Variants in ABLIM2 observed in about 807,000 individuals in gnomAD.
ABLIM2 encodes actin-binding LIM protein 2.
A neutral mutation model predicts 97.7 loss-of-function variants in ABLIM2; 53 were observed. That is an observed-to-expected ratio of 0.54 (90% confidence interval 0.44 to 0.68). The LOEUF (loss-of-function observed/expected upper bound fraction) is 0.68, where lower values mean the gene tolerates loss of function less well. ABLIM2 is among the 30% of genes least tolerant of loss of function. The pLI is 0.00. For synonymous variants in ABLIM2, 361 were observed against 345.8 expected (o/e 1.04, Z -0.49); for missense variants, 835 against 867.2 (o/e 0.96, Z 0.47).
At chr4:8,091,305 TTA>T (rs555210900) in intron 3 of ABLIM2, among the ~76,000 whole-genome samples, 1,630 of 35,516 alleles carry the variant, frequency 0.046, 272 homozygotes, top group South Asian at 0.063. Context: ...ATATATTATA[TTA>T]TATATATATA....
chr4:8,028,427 T>C (rs1348312631), intron 11 of ABLIM2, among the ~76,000 whole-genome samples: 1 of 152,234 alleles, frequency 6.6e-6, no homozygotes, highest in Non-Finnish European at 1.5e-5. Context: ...ACTCACTCAC[T>C]CATTCATTCA....
At chr4:8,105,532 G>A (rs1195028560) in intron 2 of ABLIM2, among the ~76,000 whole-genome samples, 1 of 152,152 alleles carries the variant, frequency 6.6e-6, no homozygotes, top group African/African-American at 2.4e-5. Flanking sequence ...CTCAATTATC[G>A]GCTTGTGGCA....
chr4:8,110,921 C>A (rs560111929), intron 1 of ABLIM2, among the ~76,000 whole-genome samples: 2 of 152,200 alleles, frequency 1.3e-5, no homozygotes, highest in African/African-American at 2.4e-5. Flanking sequence ...AGTGGGTATG[C>A]GCTTGCCTCC....
In ABLIM2 at chr4:8,127,721, C is replaced by G. The variant is rs1848628695; in HGVS notation, c.11-21084G>C. The G allele has an allele frequency of 8.2e-7, 1 of 1,225,712 alleles. No individual in the cohort carries two copies. The highest frequency in any genetic ancestry group is 1.0e-6 in the Non-Finnish European group (1 of 953,172). The allele number at this position is 1,225,712 out of a possible 1,614,324, so 75.9% of individuals were successfully genotyped here. A position where few individuals can be genotyped will look rare whatever the true frequency, so the allele number is the denominator to read the frequency against. ...CCACAAGGTCACGTGGCAGCTGCCACCCTCTGCCCGGGGAGGGGCAGAGCC... is the reference window on the plus strand; with the variant it reads ...CCACAAGGTCACGTGGCAGCTGCCAGCCTCTGCCCGGGGAGGGGCAGAGCC... On this transcript the variant is annotated intron_variant, in intron 1 of 20. Transcript: ENST00000447017. The surrounding 1 kb of genome is among the most constrained non-coding windows in gnomAD (Gnocchi z 7.3).
At chr4:8,034,515 G>T (rs111161310) in intron 10 of ABLIM2, among the ~76,000 whole-genome samples, 1 of 79,126 alleles carries the variant, frequency 1.3e-5, no homozygotes. Flanking sequence ...GTAGGTGGGT[G>T]CAGGTGGGTG....
rs1849208905 is a variant in ABLIM2 at position 8,130,493 on chromosome 4, C to A, written c.11-23856G>T. 1.3e-5 allele frequency among the ~76,000 whole-genome samples: 2 copies of A among 152,148 alleles called. No individual in the cohort carries two copies. Among genetic ancestry groups the A allele is most frequent in the Admixed American group, 6.5e-5 (1 of 15,286 alleles). On this transcript the variant is annotated intron_variant, in intron 1 of 20. Coordinates refer to ENST00000447017, the MANE Select transcript of ABLIM2 (RefSeq NM_001130083.2). This position sits in a 1 kb window ranked among gnomAD's most constrained non-coding sequence, Gnocchi z 4.2. ...CCGGGCACTGATCTGGGCCTTTCCA[C>A]AGCTTTTTAGAATATCAAGTTGTCT...
intron 1 of ABLIM2, among the ~76,000 whole-genome samples, chr4:8,151,898 G>A (rs144146532): frequency 6.6e-6 from 1 of 152,028 alleles, no homozygotes; most frequent in African/African-American, 2.4e-5. Flanking sequence ...GGTTCCAGGG[G>A]GGCACATGGG....
chr4:8,091,213 C>A (rs1412335687), intron 3 of ABLIM2, among the ~76,000 whole-genome samples: 2 of 137,932 alleles, frequency 1.4e-5, no homozygotes, highest in African/African-American at 2.7e-5. Context: ...CATTTGCATA[C>A]CCCTGTGACT....
At chr4:7,974,406 T>TCCATTTATCCACCCAC (rs1731094650) in intron 20 of ABLIM2, among the ~76,000 whole-genome samples, 1 of 134,006 alleles carries the variant, frequency 7.5e-6, no homozygotes, top group African/African-American at 2.9e-5. Context: ...CATCCACCCA[T>TCCATTTATCCACCCAC]CCATCCACCA....
chr4:8,110,738 G>A (rs1839922861), intron 1 of ABLIM2, among the ~76,000 whole-genome samples: 1 of 152,194 alleles, frequency 6.6e-6, no homozygotes, highest in African/African-American at 2.4e-5. Context: ...TCGCCTGCTG[G>A]GGCCGCCTCC....
intron 1 of ABLIM2, among the ~76,000 whole-genome samples, chr4:8,133,315 G>A (rs977837726): frequency 1.3e-5 from 2 of 152,106 alleles, no homozygotes; most frequent in Admixed American, 6.5e-5. Flanking sequence ...AACCCACAGC[G>A]GCGGCTTTCC....
chr4:8,089,283 A>G (rs1440499098), intron 3 of ABLIM2, among the ~76,000 whole-genome samples: 1 of 152,146 alleles, frequency 6.6e-6, no homozygotes, highest in Non-Finnish European at 1.5e-5. Flanking sequence ...GGCCAGAAGC[A>G]CAGCCTGAGA....
rs945027715 is a variant in ABLIM2, at chr4:8,085,211, G to C, written c.454+2958C>G. Among the ~76,000 whole-genome samples the C allele has an allele frequency of 1.3e-5, 2 of 152,056 alleles. No individual in the cohort carries two copies. The highest frequency in any genetic ancestry group is 2.9e-5 in the Non-Finnish European group (2 of 67,994). On this transcript the variant is annotated intron_variant, in intron 4 of 20. Coordinates refer to ENST00000447017, the MANE Select transcript of ABLIM2 (RefSeq NM_001130083.2). This position sits in a 1 kb window ranked among gnomAD's most constrained non-coding sequence, Gnocchi z 6.1. ...AGAGCCAGCCACTCTCCCCTCCCCA[G>C]GGAGGGGCAGCCACACAGGCAGCCA...
chr4:8,010,933 G>A (rs528133103), intron 14 of ABLIM2, among the ~76,000 whole-genome samples: 1 of 152,352 alleles, frequency 6.6e-6, no homozygotes, highest in Admixed American at 6.5e-5. Flanking sequence ...AGCTCTAAGA[G>A]CACAACCATT....
In ABLIM2 at chr4:8,054,336, A is replaced by C; in HGVS notation, c.764-90T>G. On this transcript the variant is annotated intron_variant, in intron 7 of 20. Coordinates refer to ENST00000447017, the MANE Select transcript of ABLIM2 (RefSeq NM_001130083.2). The surrounding 1 kb of genome is among the most constrained non-coding windows in gnomAD (Gnocchi z 4.9). ...GAAACGCAGAGGAGGGAGCTGGTCC[A>C]TGCACAGACGTGCACTCGGACTCCA... 2.1e-6 allele frequency: 3 copies of C among 1,403,702 alleles called. No individual in the cohort carries two copies. The highest frequency in any genetic ancestry group is 2.0e-6 in the Non-Finnish European group (2 of 1,000,610). 87.0% of individuals were successfully genotyped at this position (1,403,702 alleles called of 1,614,324 possible). A position where few individuals can be genotyped will look rare whatever the true frequency, so the allele number is the denominator to read the frequency against.
chr4:7,983,235 G>T, intron 20 of ABLIM2, 29 bp downstream of exon 20: 1 of 1,591,880 alleles, frequency 6.3e-7, no homozygotes, highest in Admixed American at 1.8e-5. Flanking sequence ...TGGGAAATGA[G>T]TCCCCTGCCC....
intron 16 of ABLIM2, among the ~76,000 whole-genome samples, chr4:7,995,794 T>C (rs188971771): frequency 7.9e-5 from 12 of 152,164 alleles, no homozygotes; most frequent in Middle Eastern, 3.4e-3. Context: ...AAGACAGACA[T>C]GTGAGAGGGG....
At position 8,019,521 on chromosome 4, in the gene ABLIM2, C is replaced by A; in HGVS notation, c.1423+97G>T. 8.0e-7 allele frequency: 1 copy of A among 1,254,354 alleles called. No homozygotes were observed. Among genetic ancestry groups the A allele is most frequent in the Non-Finnish European group, 1.1e-6 (1 of 891,152 alleles). The allele number at this position is 1,254,354 out of a possible 1,614,324, so 77.7% of individuals were successfully genotyped here. A position where few individuals can be genotyped will look rare whatever the true frequency, so the allele number is the denominator to read the frequency against. On this transcript the variant is annotated intron_variant, in intron 14 of 20. Transcript: ENST00000447017. The surrounding 1 kb of genome is among the most constrained non-coding windows in gnomAD (Gnocchi z 4.3). Reference sequence around the variant, plus strand: ...AAGGGCCTTGGTGGTGCCTTCACTGCATTTATCAGAACACAACAAAAGGAT... The same window carrying A: ...AAGGGCCTTGGTGGTGCCTTCACTGAATTTATCAGAACACAACAAAAGGAT...
intron 1 of ABLIM2, among the ~76,000 whole-genome samples, chr4:8,139,730 A>G (rs1378966744): frequency 2.6e-5 from 4 of 152,238 alleles, no homozygotes; most frequent in African/African-American, 9.6e-5. Flanking sequence ...ATACCATTTG[A>G]ACCGGCAATC....
Sources: gnomAD v4.1 joint callset for allele counts (sites outside exome capture counted in the v4.1 genomes callset) on GRCh38, gnomAD v4.1.1 for gene constraint, Gnocchi (gnomAD v3.1) non-coding constraint, MANE v1.5 for transcripts, NCBI Gene and HGNC (gene_info 2026-07-23, HGNC 2026-07-21) for gene names.